USP10: variants seen among roughly 807,000 people sequenced by gnomAD.
USP10 encodes the protein ubiquitin specific peptidase 10.
USP10 carries 22 observed loss-of-function variants against 84.5 expected under a neutral mutation model. The ratio of observed to expected loss-of-function variants is 0.26; its 90% confidence interval spans 0.19 to 0.37. USP10 has a LOEUF of 0.37. Among genes scored for constraint, USP10 ranks in the 10% least tolerant of loss-of-function variants. The pLI is 1.00. For synonymous variants in USP10, 454 were observed against 387.6 expected (o/e 1.17, Z -2.01); for missense variants, 1,019 against 998.9 (o/e 1.02, Z -0.27).
Position 84,745,424 on chromosome 16 carries a change from A to T in USP10, c.943A>T (p.Thr315Ser), listed in dbSNP as rs201186851. The T allele has an allele frequency of 7.6e-5, 123 of 1,613,712 alleles. No individual in the cohort carries two copies. The African/African-American group carries it at 1.4e-3, about 19-fold the overall frequency. ...HTTESIDLDP[T>S]KPESASPPAD... Reference sequence around the variant, plus strand: ...CACGGAAAGCATAGACTTGGACCCAACCAAACCCGAGAGTGCATCACCTCC... The same window carrying T: ...CACGGAAAGCATAGACTTGGACCCATCCAAACCCGAGAGTGCATCACCTCC... The change falls in exon 4 of 14, where the codon ACC (threonine) becomes TCC (serine). Residue 315 changes from threonine to serine, a missense_variant. Coordinates refer to ENST00000219473, the MANE Select transcript of USP10 (RefSeq NM_005153.3).
intron 6 of USP10, 107 bp downstream of exon 6, chr16:84,759,579 T>C (rs1912961304): frequency 5.8e-6 from 6 of 1,043,210 alleles, no homozygotes; most frequent in Non-Finnish European, 4.3e-6. Flanking sequence ...ATGAGTCCTA[T>C]AATTCTGTCT....
chr16:84,731,025 G>T (rs1484575873), intron 1 of USP10, among the ~76,000 whole-genome samples: 2 of 142,688 alleles, frequency 1.4e-5, no homozygotes, highest in African/African-American at 5.2e-5. Context: ...CTGTCAGCAG[G>T]CTGGAGTGCA....
At chr16:84,738,063 A>C (rs1185342256) in intron 2 of USP10, among the ~76,000 whole-genome samples, 1 of 150,472 alleles carries the variant, frequency 6.6e-6, no homozygotes, top group Non-Finnish European at 1.5e-5. Context: ...GGACAGCCGG[A>C]AGATGGTGAG....
chr16:84,779,683 T>C lies in USP10; in HGVS notation c.*601T>C, dbSNP rs1266404225. 1.3e-5 allele frequency: 2 copies of C among 152,904 alleles called. No homozygotes were observed. The highest frequency in any genetic ancestry group is 4.1e-4 in the South Asian group (2 of 4,830). The allele number at this position is 152,904 out of a possible 1,614,324, so 9.5% of individuals were successfully genotyped here. ...GATCAAATATTTGGAGTTAAAATGT[T>C]AGTCTACATAGATGGGTGATTGTAA... On this transcript the variant is annotated 3_prime_UTR_variant, in exon 14 of 14. Coordinates refer to ENST00000219473, the MANE Select transcript of USP10 (RefSeq NM_005153.3).
intron 1 of USP10, among the ~76,000 whole-genome samples, chr16:84,714,869 C>T (rs1298876959): frequency 6.6e-6 from 1 of 150,768 alleles, no homozygotes; most frequent in African/African-American, 2.4e-5. Flanking sequence ...ATATCAAAAA[C>T]AAGTTCTACA....
chr16:84,734,636 T>G (rs1344514778), intron 2 of USP10, among the ~76,000 whole-genome samples: 1 of 152,252 alleles, frequency 6.6e-6, no homozygotes, highest in Non-Finnish European at 1.5e-5. Flanking sequence ...CTTTCAACTT[T>G]AATGTCAACT....
intron 1 of USP10, among the ~76,000 whole-genome samples, chr16:84,722,596 C>CT (rs1301723870): frequency 6.6e-6 from 1 of 152,158 alleles, no homozygotes; most frequent in Non-Finnish European, 1.5e-5. Flanking sequence ...GAGTCTCACT[C>CT]TGTCTCCCAG....
At chr16:84,732,599 A>C (rs779334767) in intron 1 of USP10, 3 of 311,304 alleles carry the variant, frequency 9.6e-6, no homozygotes, top group Non-Finnish European at 1.9e-5. Flanking sequence ...GGTACACGCC[A>C]CCACGCCTGG....
chr16:84,724,270 T>C (rs1333114280), intron 1 of USP10, among the ~76,000 whole-genome samples: 1 of 152,220 alleles, frequency 6.6e-6, no homozygotes, highest in East Asian at 1.9e-4. Context: ...AAGTGAATCA[T>C]GTTTTCTAAT....
rs368976904 is a variant in USP10 at position 84,734,663 on chromosome 16, C to A, written c.90+1160C>A. ...ATGTCAACTGAATTGATTTTTTTTTCCTTATAGTTTGTGGATTTTTAGTTT... is the reference window on the plus strand; with the variant it reads ...ATGTCAACTGAATTGATTTTTTTTTACTTATAGTTTGTGGATTTTTAGTTT... On this transcript the variant is annotated intron_variant, in intron 2 of 13. Transcript: ENST00000219473. 1.3e-4 allele frequency among the ~76,000 whole-genome samples: 19 copies of A among 151,346 alleles called. No individual in the cohort carries two copies. In the East Asian group the frequency reaches 1.4e-3, roughly 11 times the overall value.
chr16:84,711,662 G>A (rs1276545353), intron 1 of USP10, among the ~76,000 whole-genome samples: 1 of 151,296 alleles, frequency 6.6e-6, no homozygotes, highest in Admixed American at 6.6e-5. Flanking sequence ...TTAGGTGCCA[G>A]CAGCAGAAAC....
intron 1 of USP10, among the ~76,000 whole-genome samples, chr16:84,731,900 GAGA>G (rs1335147913): frequency 2.6e-5 from 4 of 152,048 alleles, no homozygotes; most frequent in Non-Finnish European, 4.4e-5. Flanking sequence ...TGTTGGTGAT[GAGA>G]AGAAGGTGTA....
chr16:84,769,923 A>C (rs1914252043), intron 11 of USP10, among the ~76,000 whole-genome samples: 1 of 152,140 alleles, frequency 6.6e-6, no homozygotes, highest in Admixed American at 6.6e-5. Flanking sequence ...GGTTTATCCT[A>C]AATAGCAGGT....
chr16:84,748,093 G>A (rs1161586179), intron 4 of USP10, among the ~76,000 whole-genome samples: 1 of 135,632 alleles, frequency 7.4e-6, no homozygotes, highest in Non-Finnish European at 1.5e-5. Context: ...GGCGGAGCTT[G>A]CAGTGAGCCG....
intron 11 of USP10, among the ~76,000 whole-genome samples, chr16:84,769,520 AAG>A (rs1439651379): frequency 2.0e-5 from 3 of 152,084 alleles, no homozygotes; most frequent in Non-Finnish European, 4.4e-5. Context: ...GACCTCGTGG[AAG>A]AGAGAGAGGG....
chr16:84,703,998 A>G (rs1456612577), intron 1 of USP10, among the ~76,000 whole-genome samples: 1 of 152,232 alleles, frequency 6.6e-6, no homozygotes, highest in Admixed American at 6.5e-5. Context: ...CACATAGGAA[A>G]ACTTAAAGGA....
chr16:84,775,611 C>T (rs377470022), intron 13 of USP10, among the ~76,000 whole-genome samples: 1 of 152,106 alleles, frequency 6.6e-6, no homozygotes, highest in Non-Finnish European at 1.5e-5. Context: ...GTGAGCGCGC[C>T]CCCAGCCGGT....
intron 1 of USP10, among the ~76,000 whole-genome samples, chr16:84,713,704 G>T (rs576885608): frequency 1.5e-4 from 23 of 152,206 alleles, no homozygotes; most frequent in Non-Finnish European, 3.4e-4. Context: ...AGAAGCTAGA[G>T]AATCAACTGT....
chr16:84,769,809 A>C (rs889868258), intron 11 of USP10, among the ~76,000 whole-genome samples: 6 of 149,238 alleles, frequency 4.0e-5, no homozygotes, highest in Non-Finnish European at 7.4e-5. Context: ...CTGCAATTAC[A>C]GTTTGACTTT....
Sources: gnomAD v4.1 joint callset for allele counts (sites outside exome capture counted in the v4.1 genomes callset) on GRCh38, gnomAD v4.1.1 for gene constraint, MANE v1.5 for transcripts, NCBI Gene and HGNC (gene_info 2026-07-23, HGNC 2026-07-21) for gene names.